XKR6: variants seen among roughly 807,000 people sequenced by gnomAD.
The protein encoded by XKR6 is XK-related protein 6.
A neutral mutation model predicts 56.7 loss-of-function variants in XKR6; 22 were observed. The ratio of observed to expected loss-of-function variants is 0.39; its 90% CI spans 0.28 to 0.55. XKR6 has a LOEUF of 0.55. Among genes scored for constraint, XKR6 ranks in the 20% least tolerant of loss-of-function variants. The probability of loss-of-function intolerance (pLI) is 0.66; values close to 1 mark genes in which losing one functional copy is unlikely to be tolerated. For missense variants in XKR6, 852 were observed against 889.0 expected (o/e 0.96, Z 0.53); for synonymous variants, 524 against 387.8 (o/e 1.35, Z -4.13).
intron 1 of XKR6, among the ~76,000 whole-genome samples, chr8:10,968,912 A>G (rs1802314404): frequency 1.3e-5 from 2 of 152,216 alleles, no homozygotes; most frequent in East Asian, 3.8e-4. Context: ...CAGTAACAGG[A>G]GTGGCTATCC....
At chr8:10,900,992 A>G (rs571350386) in intron 2 of XKR6, among the ~76,000 whole-genome samples, 1 of 149,920 alleles carries the variant, frequency 6.7e-6, no homozygotes, top group Non-Finnish European at 1.5e-5. Flanking sequence ...GACCGCAGGC[A>G]TGCTCCAGTG....
chr8:11,196,456 A>G (rs1803894929), intron 1 of XKR6, among the ~76,000 whole-genome samples: 1 of 150,194 alleles, frequency 6.7e-6, no homozygotes. Context: ...AACAACAACC[A>G]AAAAAAACAG....
chr8:10,958,390 C>G (rs1297945052), intron 1 of XKR6, among the ~76,000 whole-genome samples: 1 of 152,224 alleles, frequency 6.6e-6, no homozygotes, highest in Non-Finnish European at 1.5e-5. Context: ...CACTGTGCTT[C>G]ATTTGGTGAA....
chr8:11,185,620 A>G (rs1038911074), intron 1 of XKR6, among the ~76,000 whole-genome samples: 10 of 152,226 alleles, frequency 6.6e-5, no homozygotes, highest in African/African-American at 2.4e-4. Flanking sequence ...CACCCAATAA[A>G]GTCTCCAATG....
At chr8:10,960,953 G>C (rs182615422) in intron 1 of XKR6, among the ~76,000 whole-genome samples, 2 of 152,268 alleles carry the variant, frequency 1.3e-5, no homozygotes, top group Non-Finnish European at 2.9e-5. Flanking sequence ...AGGGAAGACC[G>C]GGCTAGACTG....
chr8:11,173,816 C>A (rs1331145988), intron 1 of XKR6, among the ~76,000 whole-genome samples: 1 of 152,160 alleles, frequency 6.6e-6, no homozygotes, highest in African/African-American at 2.4e-5. Flanking sequence ...GTGTGACTGC[C>A]AGTATGTACC....
intron 1 of XKR6, among the ~76,000 whole-genome samples, chr8:11,132,911 G>C (rs1800184489): frequency 6.7e-6 from 1 of 148,392 alleles, no homozygotes; most frequent in African/African-American, 2.5e-5. Flanking sequence ...ATGCTCTAAA[G>C]ACAAAAGTTG....
At chr8:11,004,024 C>T (rs975667333) in intron 1 of XKR6, among the ~76,000 whole-genome samples, 3 of 152,102 alleles carry the variant, frequency 2.0e-5, no homozygotes, top group African/African-American at 4.8e-5. Flanking sequence ...CCTGGGGCAT[C>T]ACAAGAGTGA....
intron 1 of XKR6, among the ~76,000 whole-genome samples, chr8:11,059,599 G>A (rs1012921533): frequency 2.0e-5 from 3 of 151,680 alleles, no homozygotes; most frequent in African/African-American, 7.2e-5. Flanking sequence ...TGCCAGTGGA[G>A]GAGGAGCAGG....
intron 1 of XKR6, among the ~76,000 whole-genome samples, chr8:11,151,372 T>C (rs942565758): frequency 1.3e-5 from 2 of 152,216 alleles, no homozygotes; most frequent in African/African-American, 2.4e-5. Context: ...TATTTACATT[T>C]ACTTTGGAAA....
chr8:10,898,697 C>A lies in XKR6; in HGVS notation c.1181G>T (p.Trp394Leu). ...GATGATCCAGAAGGCCATGGCGCACCAGTGAACCACCACGAAGATCCCAAA... is the reference window on the plus strand; with the variant it reads ...GATGATCCAGAAGGCCATGGCGCACAAGTGAACCACCACGAAGATCCCAAA... The part of the protein sequence containing the change: ...LYFGIFVVVH[W>L]CAMAFWIIHG... Residue 394 changes from tryptophan (W) to leucine (L), a missense_variant, in exon 3 of 3, where the codon TGG becomes TTG. Around this residue, in one of 4 missense-constraint regions of XKR6, gnomAD observed 199 missense variants for 280.4 expected, o/e 0.71. Coordinates refer to ENST00000416569, the MANE Select transcript of XKR6 (RefSeq NM_173683.4). This position sits in a 1 kb window ranked among gnomAD's most constrained non-coding sequence, Gnocchi z 6.6. 1.2e-6 allele frequency: 2 copies of A among 1,614,118 alleles called. No homozygotes were observed. Among genetic ancestry groups the A allele is most frequent in the Non-Finnish European group, 1.7e-6 (2 of 1,180,038 alleles).
At chr8:11,123,767 T>A (rs1211934493) in intron 1 of XKR6, 1 of 428,730 alleles carries the variant, frequency 2.3e-6, no homozygotes, top group Admixed American at 2.5e-5. Flanking sequence ...AAACAAAAAA[T>A]GAAAAACAAA....
At chr8:11,122,245 C>T (rs1799493484) in intron 1 of XKR6, among the ~76,000 whole-genome samples, 1 of 152,216 alleles carries the variant, frequency 6.6e-6, no homozygotes, top group Admixed American at 6.5e-5. Flanking sequence ...TGAAACCAGT[C>T]AGGCTGCCTG....
chr8:11,024,204 GGTGTGT>G lies in XKR6; in HGVS notation c.765-99380_765-99375del, dbSNP rs61021720. 8.6e-3 allele frequency among the ~76,000 whole-genome samples: 1,175 copies of G among 136,880 alleles called. 7 individuals carry two copies. Among genetic ancestry groups the G allele is most frequent in the Middle Eastern group, 0.026 (7 of 274 alleles). The allele number at this position is 136,880 out of a possible 152,430, so 89.8% of individuals were successfully genotyped here. A position where few individuals can be genotyped will look rare whatever the true frequency, so the allele number is the denominator to read the frequency against. ...GTTGCAGACAACATACCTGTTAGGA[GGTGTGT>G]GTGTGTGTGTGTGTGTGTGTGTGTG... On this transcript the variant is annotated intron_variant, in intron 1 of 2. Transcript: ENST00000416569.
intron 1 of XKR6, among the ~76,000 whole-genome samples, chr8:10,992,919 T>A (rs1371137883): frequency 3.9e-5 from 6 of 152,196 alleles, no homozygotes; most frequent in Non-Finnish European, 8.8e-5. Flanking sequence ...CGAGCTGAGG[T>A]GGCAAACTAC....
intron 1 of XKR6, among the ~76,000 whole-genome samples, chr8:10,948,960 C>G (rs923896038): frequency 6.6e-6 from 1 of 152,248 alleles, no homozygotes; most frequent in Non-Finnish European, 1.5e-5. Flanking sequence ...CCCAGCCCTG[C>G]CCTGGGCGGT....
At chr8:11,171,277 C>G (rs193289744) in intron 1 of XKR6, among the ~76,000 whole-genome samples, 2 of 151,572 alleles carry the variant, frequency 1.3e-5, no homozygotes, top group African/African-American at 4.8e-5. Context: ...CACGCATGTG[C>G]GACTGCACAC....
intron 1 of XKR6, among the ~76,000 whole-genome samples, chr8:11,072,661 C>T (rs1296389121): frequency 6.6e-6 from 1 of 152,210 alleles, no homozygotes; most frequent in Non-Finnish European, 1.5e-5. Context: ...CAGGCAACAA[C>T]ACATGGGTCA....
chr8:11,025,494 A>C (rs116713788), intron 1 of XKR6, among the ~76,000 whole-genome samples: 3,114 of 152,234 alleles, frequency 0.02, 111 homozygotes, highest in African/African-American at 0.07. Context: ...AGAGACACAT[A>C]CTTTCCCTCC....
Sources: gnomAD v4.1 joint callset for allele counts (sites outside exome capture counted in the v4.1 genomes callset) on GRCh38, gnomAD v4.1.1 for gene constraint, gnomAD v4.1.1 regional missense constraint, Gnocchi (gnomAD v3.1) non-coding constraint, MANE v1.5 for transcripts, NCBI Gene and HGNC (gene_info 2026-07-23, HGNC 2026-07-21) for gene names.